TMEM50A: variants seen among roughly 807,000 people sequenced by gnomAD.
The protein encoded by TMEM50A is transmembrane protein 50A, also known as cervical cancer oncogene 9.
In TMEM50A, 8 loss-of-function variants were observed where a neutral mutation model predicts 23.9. The observed-to-expected ratio is 0.33, with a 90% CI of 0.20 to 0.60. The LOEUF is 0.60. Ranked by LOEUF, TMEM50A falls within the 20% of genes least tolerant of loss-of-function variation. The probability of loss-of-function intolerance (pLI) is 0.81; values close to 1 mark genes in which losing one functional copy is unlikely to be tolerated. For missense variants in TMEM50A, 178 were observed against 192.7 expected, an observed-to-expected ratio of 0.92 and a Z score of 0.45; for synonymous variants, 55 against 60.4, an observed-to-expected ratio of 0.91 and a Z score of 0.41.
chr1:25,360,748 G>A lies in TMEM50A; in HGVS notation c.*43G>A. 1 of 1,609,864 alleles carries A rather than the reference G, an allele frequency of 6.2e-7. No homozygotes were observed. Among genetic ancestry groups the A allele is most frequent in the Non-Finnish European group, 8.5e-7 (1 of 1,177,242 alleles). ...CAGCACAACAGCCCTGCATGGGTTTGTTTGTTTTTTTACTGCTCACTCCCA... is the reference window on the plus strand; with the variant it reads ...CAGCACAACAGCCCTGCATGGGTTTATTTGTTTTTTTACTGCTCACTCCCA... On this transcript the variant is annotated 3_prime_UTR_variant, in exon 7 of 7. Coordinates refer to ENST00000374358, the MANE Select transcript of TMEM50A (RefSeq NM_014313.4).
intron 3 of TMEM50A, among the ~76,000 whole-genome samples, chr1:25,347,909 T>A (rs980304859): frequency 2.0e-5 from 3 of 152,384 alleles, no homozygotes; most frequent in Admixed American, 2.0e-4. Context: ...AGCTGACACC[T>A]AAATTTCAAC....
intron 6 of TMEM50A, among the ~76,000 whole-genome samples, chr1:25,358,755 T>C (rs1645362624): frequency 6.6e-6 from 1 of 152,226 alleles, no homozygotes; most frequent in Admixed American, 6.5e-5. Flanking sequence ...TTAGAGTTCA[T>C]ATCTTGTGAC....
chr1:25,359,057 T>C (rs1302460918), intron 6 of TMEM50A, among the ~76,000 whole-genome samples: 2 of 152,158 alleles, frequency 1.3e-5, no homozygotes, highest in African/African-American at 2.4e-5. Context: ...GTCTGGCTCA[T>C]AGCCCCCATT....
intron 5 of TMEM50A, among the ~76,000 whole-genome samples, chr1:25,353,971 T>C (rs972500259): frequency 6.6e-6 from 1 of 152,132 alleles, no homozygotes; most frequent in African/African-American, 2.4e-5. Flanking sequence ...TCCAAATATT[T>C]GTATTTTTAA....
chr1:25,348,683 CAAA>C (rs57543271), intron 3 of TMEM50A, among the ~76,000 whole-genome samples: 1 of 141,318 alleles, frequency 7.1e-6, no homozygotes, highest in African/African-American at 2.6e-5. Context: ...GACTCCATCT[CAAA>C]AAAAAAAAAA....
chr1:25,351,525 A>G (rs1645275423), intron 3 of TMEM50A, 101 bp from the exon 4 acceptor site: 1 of 828,330 alleles, frequency 1.2e-6, no homozygotes, highest in Non-Finnish European at 1.8e-6. Flanking sequence ...AAAAAAAAAA[A>G]GACTTTCAGG....
chr1:25,347,469 C>G (rs1353193460), intron 3 of TMEM50A, among the ~76,000 whole-genome samples: 2 of 152,082 alleles, frequency 1.3e-5, no homozygotes, highest in Non-Finnish European at 2.9e-5. Context: ...CTCCTGACCT[C>G]TCAGGTGATC....
At chr1:25,340,301 AT>A (rs1198476480) in intron 1 of TMEM50A, among the ~76,000 whole-genome samples, 172 bp from the exon 2 acceptor site, 1 of 152,238 alleles carries the variant, frequency 6.6e-6, no homozygotes, top group African/African-American at 2.4e-5. Flanking sequence ...CAAAGTTATA[AT>A]GTGGAAATTC....
At chr1:25,345,215 C>T (rs1374784192) in intron 3 of TMEM50A, among the ~76,000 whole-genome samples, 2 of 150,622 alleles carry the variant, frequency 1.3e-5, no homozygotes, top group African/African-American at 2.5e-5. Flanking sequence ...GAGGCCAAGG[C>T]GGGCAGACCA....
intron 3 of TMEM50A, among the ~76,000 whole-genome samples, chr1:25,349,952 C>T (rs1350352264): frequency 1.4e-4 from 22 of 152,120 alleles, no homozygotes; most frequent in Admixed American, 2.6e-4. Flanking sequence ...GTATTGTGAA[C>T]GTTTTCCCAT....
rs913060606 is a variant in TMEM50A, at chr1:25,362,253, A to T, written c.*1548A>T. 7 of 669,316 alleles carry T rather than the reference A, an allele frequency of 1.0e-5. No homozygotes were observed. The African/African-American group carries it at 1.1e-4, about 10-fold the overall frequency. The allele number at this position is 669,316 out of a possible 1,614,324, so 41.5% of individuals were successfully genotyped here. Reference sequence around the variant, plus strand: ...AAGAATCTTAAGAATTGTCAATAAAATTAACCCAAAACTTTAATAATGTGT... The same window carrying T: ...AAGAATCTTAAGAATTGTCAATAAATTTAACCCAAAACTTTAATAATGTGT... On this transcript the variant is annotated 3_prime_UTR_variant, in exon 7 of 7. Transcript: ENST00000374358.
chr1:25,357,041 G>A (rs1473735200), intron 6 of TMEM50A, among the ~76,000 whole-genome samples, 188 bp downstream of exon 6: 1 of 152,166 alleles, frequency 6.6e-6, no homozygotes, highest in African/African-American at 2.4e-5. Context: ...GCCAACCTTA[G>A]GAGCATATAT....
intron 3 of TMEM50A, among the ~76,000 whole-genome samples, chr1:25,351,254 A>G (rs3093613): frequency 0.079 from 11,932 of 151,898 alleles, 1,493 homozygotes; most frequent in African/African-American, 0.27. Flanking sequence ...AGCCAGGTGT[A>G]GTGGCACTTT....
At chr1:25,347,529 T>C (rs1645231412) in intron 3 of TMEM50A, among the ~76,000 whole-genome samples, 1 of 152,230 alleles carries the variant, frequency 6.6e-6, no homozygotes, top group South Asian at 2.1e-4. Context: ...TGAGCCACCA[T>C]GCCCGGCCTT....
At chr1:25,351,500 C>T in intron 3 of TMEM50A, 126 bp from the exon 4 acceptor site, 1 of 668,910 alleles carries the variant, frequency 1.5e-6, no homozygotes, top group South Asian at 2.2e-5. Context: ...CAGAGTGAGA[C>T]CCTGTATCTT....
chr1:25,352,666 CAT>C (rs772849672), intron 4 of TMEM50A, among the ~76,000 whole-genome samples: 1 of 151,898 alleles, frequency 6.6e-6, no homozygotes, highest in Non-Finnish European at 1.5e-5. Flanking sequence ...TATACAGACT[CAT>C]AAATAATTTT....
At chr1:25,345,115 ATCT>A (rs1235902293) in intron 3 of TMEM50A, among the ~76,000 whole-genome samples, 1,560 of 142,722 alleles carry the variant, frequency 0.011, 21 homozygotes, top group African/African-American at 0.038. Flanking sequence ...CAGTTACCAC[ATCT>A]TCTTTTTTTT....
intron 6 of TMEM50A, among the ~76,000 whole-genome samples, chr1:25,360,146 G>A (rs1324605739): frequency 2.0e-5 from 3 of 152,174 alleles, no homozygotes; most frequent in South Asian, 4.1e-4. Flanking sequence ...TCAGGAGATC[G>A]AGACCATCTT....
In TMEM50A at chr1:25,362,024, C is replaced by G. The variant is rs1233142232; in HGVS notation, c.*1319C>G. ...TCCTCAGGCAGTGCATCCCCCCACC[C>G]TACAACTGAGCACAACCTCTTTCCC... is the stretch of plus-strand genomic sequence containing the variant. On this transcript the variant is annotated 3_prime_UTR_variant, in exon 7 of 7. Coordinates refer to ENST00000374358, the MANE Select transcript of TMEM50A (RefSeq NM_014313.4). 8.4e-6 allele frequency: 2 copies of G among 239,450 alleles called. No individual in the cohort carries two copies. Among genetic ancestry groups the G allele is most frequent in the Non-Finnish European group, 1.6e-5 (2 of 121,730 alleles). 14.8% of individuals were successfully genotyped at this position (239,450 alleles called of 1,614,324 possible).
Sources: gnomAD v4.1 joint callset for allele counts (sites outside exome capture counted in the v4.1 genomes callset) on GRCh38, gnomAD v4.1.1 for gene constraint, MANE v1.5 for transcripts, NCBI Gene and HGNC (gene_info 2026-07-23, HGNC 2026-07-21) for gene names.